The following REXO1 variants were observed in gnomAD, a reference collection of about 807,000 sequenced individuals.
The protein encoded by REXO1 is REX1, RNA exonuclease 1 homolog.
A neutral mutation model predicts 102.6 loss-of-function variants in REXO1; 42 were observed. The observed-to-expected ratio is 0.41, with a 90% CI of 0.32 to 0.53. The LOEUF (loss-of-function observed/expected upper bound fraction) is 0.53, where lower values mean the gene tolerates loss of function less well. REXO1 is among the 20% of genes least tolerant of loss of function. REXO1 has a pLI of 0.27. For synonymous variants in REXO1, 908 were observed against 779.1 expected (o/e 1.17, Z -2.76); for missense variants, 1,819 against 1,732.5 (o/e 1.05, Z -0.89).
chr19:1,834,063 G>C (rs945838954), intron 1 of REXO1, among the ~76,000 whole-genome samples: 11 of 152,138 alleles, frequency 7.2e-5, no homozygotes, highest in African/African-American at 2.4e-4. Context: ...ATCTCTAAGG[G>C]GCTAAGGATA....
rs546365450 is a variant in REXO1 at position 1,839,916 on chromosome 19, C to T, written c.157+8286G>A. On this transcript the variant is annotated intron_variant, in intron 1 of 15. Transcript: ENST00000170168. ...AACTCAGGACTGCGCAGGCCCACTT[C>T]CATGGCTTCCAGATCCTGTCTCCCT... 1.3e-4 allele frequency among the ~76,000 whole-genome samples: 20 copies of T among 152,358 alleles called. 1 individual carries two copies. In the South Asian group the frequency reaches 4.1e-3, roughly 32 times the overall value.
At chr19:1,824,204 C>T (rs1272670643) in intron 3 of REXO1, 1 of 164,022 alleles carries the variant, frequency 6.1e-6, no homozygotes, top group Non-Finnish European at 1.3e-5. Flanking sequence ...CACTACCTCG[C>T]CACGTCTGCA....
chr19:1,844,937 G>C (rs1379027337), intron 1 of REXO1, among the ~76,000 whole-genome samples: 1 of 152,174 alleles, frequency 6.6e-6, no homozygotes, highest in African/African-American at 2.4e-5. Flanking sequence ...GAAGCCCTGA[G>C]CTGGGGCCCA....
At chr19:1,847,768 G>A (rs896507598) in intron 1 of REXO1, among the ~76,000 whole-genome samples, 3 of 152,224 alleles carry the variant, frequency 2.0e-5, no homozygotes, top group Non-Finnish European at 4.4e-5. Flanking sequence ...CAGAGGCGCG[G>A]CCGGAGGAAA....
At position 1,825,320 on chromosome 19, in the gene REXO1, AAAC is replaced by A. The variant is rs1241047256; in HGVS notation, c.2016+516_2016+518del. 2.2e-4 allele frequency among the ~76,000 whole-genome samples: 26 copies of A among 120,006 alleles called. 1 individual carries two copies. Among genetic ancestry groups the A allele is most frequent in the African/African-American group, 7.6e-4 (21 of 27,476 alleles). The allele number at this position is 120,006 out of a possible 152,430, so 78.7% of individuals were successfully genotyped here. ...GTCTCAAAAAAAAAAAAAAAAAAAA[AAAC>A]AACCAAAAAACAAACAAACAGAAAA... On this transcript the variant is annotated intron_variant, in intron 3 of 15. Coordinates refer to ENST00000170168, the MANE Select transcript of REXO1 (RefSeq NM_020695.4).
rs78650471 is a variant in REXO1 at position 1,821,453 on chromosome 19, C to T, written c.2394+66G>A. The T allele has an allele frequency of 1.6e-4, 250 of 1,595,964 alleles. 1 individual carries two copies. The African/African-American group carries it at 2.9e-3, about 18-fold the overall frequency. ...GGGCGAGGCTGGCCCTCCGCAGGTC[C>T]CATGTGGCCGGGCCTCAGGGCGTGG... is the stretch of plus-strand genomic sequence containing the variant. On this transcript the variant is annotated intron_variant, in intron 5 of 15. Transcript: ENST00000170168.
chr19:1,815,376 G>A lies in REXO1; in HGVS notation c.*690C>T, dbSNP rs1008195751. 2 of 161,392 alleles carry A rather than the reference G, an allele frequency of 1.2e-5. No individual in the cohort carries two copies. The highest frequency in any genetic ancestry group is 4.8e-5 in the African/African-American group (2 of 41,490). The allele number at this position is 161,392 out of a possible 1,614,324, so 10.0% of individuals were successfully genotyped here. A position where few individuals can be genotyped will look rare whatever the true frequency, so the allele number is the denominator to read the frequency against. On this transcript the variant is annotated 3_prime_UTR_variant, in exon 16 of 16. Transcript: ENST00000170168. This position sits in a 1 kb window ranked among gnomAD's most constrained non-coding sequence, Gnocchi z 4.0. ...TCCGGAGGCCGGTGGGCTCCCTCTA[G>A]ACGGCAGACCCTGGGGCTAACGAGG...
At chr19:1,840,466 G>A (rs567755987) in intron 1 of REXO1, among the ~76,000 whole-genome samples, 5 of 152,202 alleles carry the variant, frequency 3.3e-5, no homozygotes, top group South Asian at 4.1e-4. Flanking sequence ...CCCCATCGGC[G>A]GCAAGCTCCC....
In REXO1 at chr19:1,819,924, C is replaced by CGGG. The variant is rs529474796; in HGVS notation, c.2650+9_2650+10insCCC. The CGGG allele has an allele frequency of 3.8e-4, 597 of 1,569,822 alleles. 2 individuals are homozygous for CGGG. In the African/African-American group the frequency reaches 7.3e-3, roughly 19 times the overall value. ...CCCTGAGCCTCCCCCGCCCACCCGC[C>CGGG]AGGACTCACTGCTGAGGCCGGGCAC... is the stretch of plus-strand genomic sequence containing the variant. On this transcript the variant is annotated intron_variant, in intron 7 of 15. Coordinates refer to ENST00000170168, the MANE Select transcript of REXO1 (RefSeq NM_020695.4).
At chr19:1,818,635 GGGGCC>G (rs1266599885) in intron 9 of REXO1, 40 bp from the exon 10 acceptor site, 1 of 1,607,618 alleles carries the variant, frequency 6.2e-7, no homozygotes, top group African/African-American at 1.3e-5. Flanking sequence ...GGCTCACGCT[GGGGCC>G]CGCATGCCCG....
At chr19:1,846,374 A>G (rs1358900081) in intron 1 of REXO1, among the ~76,000 whole-genome samples, 1 of 152,162 alleles carries the variant, frequency 6.6e-6, no homozygotes, top group Non-Finnish European at 1.5e-5. Flanking sequence ...GCAGTCTTCT[A>G]CCAGACAGTA....
rs760735483 is a variant in REXO1, at chr19:1,823,790, G to A, written c.2017-5C>T. ...ACCCCTCCTCGGGGGCTCCACCTGC[G>A]TCACCACAAATGCTAAGGCCTGGCA... On this transcript the variant is annotated splice_region_variant and splice_polypyrimidine_tract_variant and intron_variant, in intron 3 of 15. Coordinates refer to ENST00000170168, the MANE Select transcript of REXO1 (RefSeq NM_020695.4). 28 of 1,223,548 alleles carry A rather than the reference G, an allele frequency of 2.3e-5. No homozygotes were observed. The highest frequency in any genetic ancestry group is 9.3e-5 in the African/African-American group (6 of 64,562). The allele number at this position is 1,223,548 out of a possible 1,614,324, so 75.8% of individuals were successfully genotyped here.
chr19:1,845,430 G>A (rs1227308706), intron 1 of REXO1, among the ~76,000 whole-genome samples: 1 of 152,228 alleles, frequency 6.6e-6, no homozygotes, highest in Admixed American at 6.5e-5. Context: ...TCAGGAGGCT[G>A]AGGAGAGAGG....
intron 4 of REXO1, 21 bp downstream of exon 4, chr19:1,823,551 G>GC: frequency 1.6e-6 from 2 of 1,287,476 alleles, no homozygotes; most frequent in Non-Finnish European, 2.0e-6. Context: ...CCCGGCACAG[G>GC]CCCCCTGGGC....
intron 4 of REXO1, chr19:1,821,914 C>T (rs371650627): frequency 3.3e-5 from 19 of 572,956 alleles, no homozygotes; most frequent in East Asian, 1.9e-4. Flanking sequence ...GCTGAGGACA[C>T]GTCACCGGTG....
At chr19:1,822,155 G>A (rs538137012) in intron 4 of REXO1, 98 of 362,800 alleles carry the variant, frequency 2.7e-4, no homozygotes, top group African/African-American at 1.7e-3. Context: ...CTGGCCACGC[G>A]GGCAGCTGCA....
At chr19:1,848,152 G>T in intron 1 of REXO1, 50 bp downstream of exon 1, 1 of 987,802 alleles carries the variant, frequency 1.0e-6, no homozygotes, top group Non-Finnish European at 1.3e-6. Flanking sequence ...GTGGGGTCCA[G>T]ACCCGGGCAG....
intron 1 of REXO1, among the ~76,000 whole-genome samples, chr19:1,836,743 CAAAAAAAAAAAA>C (rs1185957602): frequency 6.2e-5 from 4 of 64,602 alleles, no homozygotes; most frequent in Non-Finnish European, 8.5e-5. Context: ...AAGACTGTCT[CAAAAAAAAAAAA>C]AAAAAAAAAA....
chr19:1,838,376 T>C (rs1211976556), intron 1 of REXO1, among the ~76,000 whole-genome samples: 1 of 149,992 alleles, frequency 6.7e-6, no homozygotes, highest in Non-Finnish European at 1.5e-5. Context: ...CCCAGCACTT[T>C]GGAAAGTCGA....
Sources: allele counts gnomAD v4.1 joint callset (sites outside exome capture counted in the v4.1 genomes callset), GRCh38; gene constraint gnomAD v4.1.1; non-coding constraint Gnocchi (gnomAD v3.1); transcripts MANE v1.5; gene names NCBI Gene and HGNC (gene_info 2026-07-23, HGNC 2026-07-21).